AK4: variants seen among roughly 807,000 people sequenced by gnomAD.
AK4 encodes the protein adenylate kinase 4, mitochondrial.
In AK4, 13 loss-of-function variants were observed where a neutral mutation model predicts 24.6. That is an observed-to-expected ratio of 0.53 (90% CI 0.34 to 0.84). The LOEUF (loss-of-function observed/expected upper bound fraction) is 0.84. Among genes scored for constraint, AK4 ranks in the 40% least tolerant of loss-of-function variants. The probability of loss-of-function intolerance (pLI) is 0.01; values close to 1 mark genes in which losing one functional copy is unlikely to be tolerated. For missense variants in AK4, 192 were observed against 288.2 expected, an observed-to-expected ratio of 0.67 and a Z score of 2.42; for synonymous variants, 88 against 107.0, an observed-to-expected ratio of 0.82 and a Z score of 1.10.
intron 1 of AK4, among the ~76,000 whole-genome samples, chr1:65,161,716 G>A (rs1412659479): frequency 6.6e-6 from 1 of 151,878 alleles, no homozygotes; most frequent in East Asian, 1.9e-4. Context: ...TTTCATGACG[G>A]TTCAGTTCAA....
chr1:65,210,454 TAAC>T (rs1348800321), intron 2 of AK4, among the ~76,000 whole-genome samples: 2 of 152,184 alleles, frequency 1.3e-5, no homozygotes, highest in Non-Finnish European at 2.9e-5. Context: ...CCTTTTTCCT[TAAC>T]AGTTTCCCCC....
At chr1:65,147,711 G>T (rs1322445083), upstream of AK4, 2 of 152,018 alleles carry the variant, frequency 1.3e-5, no homozygotes, top group Admixed American at 1.3e-4. Flanking sequence ...GCGGGGCTCG[G>T]GCTCGTCGCG....
At chr1:65,156,007 T>C (rs1649970568) in intron 1 of AK4, among the ~76,000 whole-genome samples, 1 of 152,194 alleles carries the variant, frequency 6.6e-6, no homozygotes, top group Non-Finnish European at 1.5e-5. Context: ...TATTGCATTG[T>C]ATTATAGTAT....
chr1:65,184,065 C>T (rs1651006098), intron 1 of AK4, among the ~76,000 whole-genome samples: 1 of 151,910 alleles, frequency 6.6e-6, no homozygotes, highest in Non-Finnish European at 1.5e-5. Context: ...AGTCTTAAAT[C>T]CTGAAAATTT....
intron 2 of AK4, among the ~76,000 whole-genome samples, chr1:65,215,176 C>CTTTCTT (rs1553127384): frequency 4.1e-4 from 47 of 114,714 alleles, no homozygotes; most frequent in East Asian, 3.1e-3. Context: ...TTCTTTCTTT[C>CTTTCTT]TTTTTTTTTT....
chr1:65,149,526 A>T (rs942672216), intron 1 of AK4, among the ~76,000 whole-genome samples: 5 of 152,230 alleles, frequency 3.3e-5, no homozygotes, highest in African/African-American at 1.2e-4. Flanking sequence ...TCTTCCCAGC[A>T]GGGGTCCTTT....
At chr1:65,171,220 CA>C (rs1313455959) in intron 1 of AK4, among the ~76,000 whole-genome samples, 1 of 149,338 alleles carries the variant, frequency 6.7e-6, no homozygotes, top group Non-Finnish European at 1.5e-5. Context: ...CTCAACCTCC[CA>C]AAGTGCTGGG....
intron 2 of AK4, among the ~76,000 whole-genome samples, chr1:65,202,523 C>G (rs1313207688): frequency 6.6e-6 from 1 of 152,152 alleles, no homozygotes; most frequent in Non-Finnish European, 1.5e-5. Flanking sequence ...TCAGATGCAC[C>G]TAGCCCATTT....
rs188589000 is a variant in AK4 at position 65,225,932 on chromosome 1, G to T, written c.558-131G>T. ...GGAGGTGTTGATACCTTTGAAAGGG[G>T]CTGTTTTAGCACTTAGTGTGGTATA... On this transcript the variant is annotated intron_variant, in intron 4 of 4. Coordinates refer to ENST00000327299, the MANE Select transcript of AK4 (RefSeq NM_013410.4). The T allele has an allele frequency of 5.5e-4, 500 of 903,384 alleles. 4 individuals are homozygous for T. The highest frequency in any genetic ancestry group is 7.7e-5 in the Admixed American group (3 of 38,862). The allele number at this position is 903,384 out of a possible 1,614,324, so 56.0% of individuals were successfully genotyped here. A position where few individuals can be genotyped will look rare whatever the true frequency, so the allele number is the denominator to read the frequency against.
Position 65,174,885 on chromosome 1 carries a change from C to T in AK4, c.146-15825C>T, listed in dbSNP as rs150641443. ...TAAGAATTAATTGAGATAATACGTA[C>T]AAGGGAGTATAGAAAGACTTGACCC... is the stretch of plus-strand genomic sequence containing the variant. On this transcript the variant is annotated intron_variant, in intron 1 of 4. Coordinates refer to ENST00000327299, the MANE Select transcript of AK4 (RefSeq NM_013410.4). Among the ~76,000 whole-genome samples the T allele has an allele frequency of 4.1e-4, 63 of 152,242 alleles. 2 individuals are homozygous for T. The East Asian group carries it at 0.01, about 24-fold the overall frequency.
At chr1:65,170,954 CTTTTT>C (rs36098576) in intron 1 of AK4, among the ~76,000 whole-genome samples, 14 of 109,012 alleles carry the variant, frequency 1.3e-4, no homozygotes, top group South Asian at 8.5e-4. Context: ...TGTCTTCTTC[CTTTTT>C]TTTTTTTTTT....
chr1:65,168,145 CT>C (rs3051710), intron 1 of AK4, among the ~76,000 whole-genome samples: 163 of 125,232 alleles, frequency 1.3e-3, no homozygotes, highest in South Asian at 4.3e-3. Context: ...TCTGCATATT[CT>C]TTTTTTTTTT....
chr1:65,191,763 G>A (rs1171493290), intron 2 of AK4, among the ~76,000 whole-genome samples: 1 of 152,124 alleles, frequency 6.6e-6, no homozygotes, highest in Non-Finnish European at 1.5e-5. Context: ...ATTTCTCTCA[G>A]AAAGACTATT....
chr1:65,181,846 C>G (rs766345434), intron 1 of AK4, among the ~76,000 whole-genome samples: 2 of 152,186 alleles, frequency 1.3e-5, no homozygotes, highest in Non-Finnish European at 2.9e-5. Context: ...TCTGATGCCC[C>G]CTCCCTTTGT....
At chr1:65,204,814 G>A (rs560843354) in intron 2 of AK4, among the ~76,000 whole-genome samples, 1 of 152,056 alleles carries the variant, frequency 6.6e-6, no homozygotes, top group Non-Finnish European at 1.5e-5. Flanking sequence ...GTTTTCTTCT[G>A]CAAATGTAAT....
chr1:65,185,441 C>T (rs1651065571), intron 1 of AK4, among the ~76,000 whole-genome samples: 1 of 152,106 alleles, frequency 6.6e-6, no homozygotes, highest in Admixed American at 6.5e-5. Flanking sequence ...TAGTGGTGGG[C>T]TTTTCTTTGA....
chr1:65,162,624 C>T (rs908213209), intron 1 of AK4, among the ~76,000 whole-genome samples: 4 of 151,686 alleles, frequency 2.6e-5, no homozygotes, highest in Admixed American at 1.3e-4. Flanking sequence ...GGGCAGATCA[C>T]AAGGTCAGGA....
chr1:65,189,034 A>G (rs769134766), intron 1 of AK4, among the ~76,000 whole-genome samples: 3 of 151,994 alleles, frequency 2.0e-5, no homozygotes, highest in Non-Finnish European at 4.4e-5. Context: ...ACTGGATTCA[A>G]GCGATTCTCC....
At chr1:65,173,307 C>T (rs1650601616) in intron 1 of AK4, among the ~76,000 whole-genome samples, 1 of 152,158 alleles carries the variant, frequency 6.6e-6, no homozygotes, top group Admixed American at 6.5e-5. Context: ...GTCCATGGCA[C>T]TTGGCTTGCA....
Sources: gnomAD v4.1 joint callset for allele counts (sites outside exome capture counted in the v4.1 genomes callset) on GRCh38, gnomAD v4.1.1 for gene constraint, MANE v1.5 for transcripts, NCBI Gene and HGNC (gene_info 2026-07-23, HGNC 2026-07-21) for gene names.